The following UNC5C variants were observed in gnomAD, a reference collection of about 807,000 sequenced individuals.
UNC5C encodes the protein unc-5 netrin receptor C, also known as netrin receptor UNC5C.
In UNC5C, 47 loss-of-function variants were observed where a neutral mutation model predicts 99.8. That is an observed-to-expected ratio of 0.47 (90% CI 0.37 to 0.60). The LOEUF (loss-of-function observed/expected upper bound fraction) is 0.60, where lower values mean the gene tolerates loss of function less well. UNC5C is among the 20% of genes least tolerant of loss of function. UNC5C has a pLI of 0.00. For missense variants in UNC5C, 1,062 were observed against 1,165.9 expected (o/e 0.91, Z 1.30); for synonymous variants, 487 against 452.2 (o/e 1.08, Z -0.98).
At chr4:95,536,973 G>A (rs1722797357) in intron 1 of UNC5C, among the ~76,000 whole-genome samples, 1 of 152,104 alleles carries the variant, frequency 6.6e-6, no homozygotes, top group Non-Finnish European at 1.5e-5. Flanking sequence ...ACACCAAAGA[G>A]TACCTCTTGA....
At chr4:95,242,208 A>G (rs1297046827) in intron 7 of UNC5C, among the ~76,000 whole-genome samples, 4 of 152,304 alleles carry the variant, frequency 2.6e-5, no homozygotes, top group Non-Finnish European at 5.9e-5. Flanking sequence ...CTCATGAAAA[A>G]GCAATATTGC....
chr4:95,242,406 G>A, intron 7 of UNC5C, 23 bp downstream of exon 7: 1 of 1,613,582 alleles, frequency 6.2e-7, no homozygotes, highest in Non-Finnish European at 8.5e-7. Context: ...CTCAATGTCT[G>A]CAGTTTGCTT....
chr4:95,540,054 C>T (rs967780074), intron 1 of UNC5C, among the ~76,000 whole-genome samples: 11 of 151,810 alleles, frequency 7.2e-5, no homozygotes, highest in South Asian at 2.1e-4. Flanking sequence ...CAATTCTTAA[C>T]GGAGTAGCTT....
At chr4:95,282,189 G>A (rs1741083687) in intron 3 of UNC5C, among the ~76,000 whole-genome samples, 4 of 152,156 alleles carry the variant, frequency 2.6e-5, no homozygotes, top group Admixed American at 2.6e-4. Context: ...ATGATATAGA[G>A]TGAACAAAGC....
intron 1 of UNC5C, among the ~76,000 whole-genome samples, chr4:95,369,549 G>A (rs544967292): frequency 3.9e-5 from 6 of 152,022 alleles, no homozygotes; most frequent in African/African-American, 1.4e-4. Context: ...AAGTGAGATC[G>A]CATCTCCAAA....
At chr4:95,497,283 T>C (rs1319885779) in intron 1 of UNC5C, among the ~76,000 whole-genome samples, 1 of 152,122 alleles carries the variant, frequency 6.6e-6, no homozygotes, top group East Asian at 1.9e-4. Flanking sequence ...TAGTTTACAT[T>C]CCCACCAGCA....
At position 95,487,461 on chromosome 4, in the gene UNC5C, C is replaced by G. The variant is rs1030681171; in HGVS notation, c.124+61273G>C. Among the ~76,000 whole-genome samples, 5 of 151,726 alleles carry G rather than the reference C, an allele frequency of 3.3e-5. 1 individual carries two copies. The highest frequency in any genetic ancestry group is 1.2e-4 in the African/African-American group (5 of 41,496). On this transcript the variant is annotated intron_variant, in intron 1 of 15. Transcript: ENST00000453304. ...TACAGAAGGGAAATAAACATTAACTCTATGGTATACTTTTTAATACTCATA... is the reference window on the plus strand; with the variant it reads ...TACAGAAGGGAAATAAACATTAACTGTATGGTATACTTTTTAATACTCATA...
At chr4:95,319,262 G>C (rs762220058) in intron 2 of UNC5C, among the ~76,000 whole-genome samples, 7 of 152,192 alleles carry the variant, frequency 4.6e-5, no homozygotes, top group Non-Finnish European at 1.0e-4. Context: ...GCTGGGGCCA[G>C]GACCTAGGTG....
rs368039451 is a variant in UNC5C, at chr4:95,188,289, T to A, written c.2137-3093A>T. The stretch of plus-strand genomic sequence containing the variant: ...ACACCCCTTCCCGCAAAGTGGCAAC[T>A]GGTATCGTTGCACTAAAGACGTTCA... On this transcript the variant is annotated intron_variant, in intron 12 of 15. Coordinates refer to ENST00000453304, the MANE Select transcript of UNC5C (RefSeq NM_003728.4). 9.7e-4 allele frequency among the ~76,000 whole-genome samples: 148 copies of A among 152,186 alleles called. 3 individuals are homozygous for A. In the Middle Eastern group the frequency reaches 0.037, roughly 38 times the overall value.
At chr4:95,221,991 G>A (rs1460625990) in intron 7 of UNC5C, among the ~76,000 whole-genome samples, 3 of 152,120 alleles carry the variant, frequency 2.0e-5, no homozygotes, top group Non-Finnish European at 4.4e-5. Flanking sequence ...TGGGACTCAA[G>A]CTTTGAATGG....
intron 1 of UNC5C, among the ~76,000 whole-genome samples, chr4:95,469,682 T>G (rs1747906499): frequency 6.6e-6 from 1 of 152,122 alleles, no homozygotes; most frequent in African/African-American, 2.4e-5. Context: ...AAGTCAACTA[T>G]TCCTTGTAAT....
intron 9 of UNC5C, 70 bp downstream of exon 9, chr4:95,218,899 C>T (rs1738354670): frequency 6.8e-7 from 1 of 1,464,856 alleles, no homozygotes; most frequent in Admixed American, 2.4e-5. Flanking sequence ...ATCCCACGAA[C>T]AAAAAAGATT....
chr4:95,368,297 G>GAAAAAAAA (rs71583699), intron 1 of UNC5C, among the ~76,000 whole-genome samples: 1 of 133,784 alleles, frequency 7.5e-6, no homozygotes, highest in Non-Finnish European at 1.6e-5. Context: ...CATCTTTTTT[G>GAAAAAAAA]AAAAAAAAAA....
intron 7 of UNC5C, chr4:95,222,103 C>T (rs1738490816): frequency 1.4e-6 from 1 of 707,124 alleles, no homozygotes; most frequent in Non-Finnish European, 2.1e-6. Context: ...ATATTAGGCT[C>T]CTATTTCCTG....
intron 12 of UNC5C, among the ~76,000 whole-genome samples, chr4:95,195,344 A>G (rs1737336337): frequency 6.6e-6 from 1 of 152,196 alleles, no homozygotes; most frequent in South Asian, 2.1e-4. Flanking sequence ...CACAGCAGCA[A>G]TGATGCACTA....
chr4:95,174,659 C>G (rs1736261251), intron 14 of UNC5C, among the ~76,000 whole-genome samples: 1 of 150,742 alleles, frequency 6.6e-6, no homozygotes, highest in Non-Finnish European at 1.5e-5. Context: ...AGCTTTACTT[C>G]CAAGTATGTG....
chr4:95,225,068 G>A (rs1738630609), intron 7 of UNC5C, among the ~76,000 whole-genome samples: 1 of 152,082 alleles, frequency 6.6e-6, no homozygotes, highest in Non-Finnish European at 1.5e-5. Flanking sequence ...ACGTCCTGGT[G>A]GGCCAGGATG....
At chr4:95,312,153 G>A (rs374614349) in intron 2 of UNC5C, among the ~76,000 whole-genome samples, 1 of 152,108 alleles carries the variant, frequency 6.6e-6, no homozygotes, top group Non-Finnish European at 1.5e-5. Flanking sequence ...TCCTGTGGGT[G>A]ACATTCCAGT....
rs553364668 is a variant in UNC5C at position 95,494,060 on chromosome 4, C to T, written c.124+54674G>A. 1.5e-4 allele frequency among the ~76,000 whole-genome samples: 23 copies of T among 151,452 alleles called. 1 individual carries two copies. The East Asian group carries it at 4.1e-3, about 27-fold the overall frequency. ...TTAAAACTGCAGGAATCAGTTATTT[C>T]GGCTCACTCCAGGGTTCTTAAAAAT... On this transcript the variant is annotated intron_variant, in intron 1 of 15. Transcript: ENST00000453304.
Sources: allele counts gnomAD v4.1 joint callset (sites outside exome capture counted in the v4.1 genomes callset), GRCh38; gene constraint gnomAD v4.1.1; transcripts MANE v1.5; gene names NCBI Gene and HGNC (gene_info 2026-07-23, HGNC 2026-07-21).